Variants in CDH6 observed in about 807,000 individuals in gnomAD.
CDH6 encodes the protein cadherin 6.
Under a neutral mutation model 78.0 loss-of-function variants are expected in CDH6, and 31 were observed. That is an observed-to-expected ratio of 0.40 (90% CI 0.30 to 0.54). The LOEUF is 0.54. Ranked by LOEUF, CDH6 falls within the 20% of genes least tolerant of loss-of-function variation. The pLI, the probability that CDH6 is intolerant of heterozygous loss-of-function variation, is 0.56. For missense variants in CDH6, 724 were observed against 975.9 expected, an observed-to-expected ratio of 0.74 and a Z score of 3.44; for synonymous variants, 376 against 368.8, an observed-to-expected ratio of 1.02 and a Z score of -0.23.
chr5:31,240,731 C>T (rs940895818), intron 1 of CDH6, among the ~76,000 whole-genome samples: 6 of 152,212 alleles, frequency 3.9e-5, no homozygotes, highest in Admixed American at 1.3e-4. Context: ...CCTCCATGCT[C>T]ATCTGGCAGC....
intron 1 of CDH6, among the ~76,000 whole-genome samples, chr5:31,254,806 T>C (rs868772372): frequency 2.6e-5 from 4 of 152,258 alleles, no homozygotes; most frequent in Non-Finnish European, 5.9e-5. Flanking sequence ...GGATGTATCT[T>C]AGAAAGACTG....
chr5:31,208,556 A>G (rs1579814860), intron 1 of CDH6, among the ~76,000 whole-genome samples: 1 of 151,954 alleles, frequency 6.6e-6, no homozygotes, highest in South Asian at 2.1e-4. Context: ...TTTTTTGGTT[A>G]CTCTACTCCA....
At chr5:31,267,023 T>A (rs1192918519) in intron 1 of CDH6, among the ~76,000 whole-genome samples, 2 of 152,236 alleles carry the variant, frequency 1.3e-5, no homozygotes. Context: ...ACTCATTTTT[T>A]CTACCAGATC....
At chr5:31,313,208 G>A (rs528632276) in intron 7 of CDH6, 110 bp from the exon 8 acceptor site, 2 of 938,368 alleles carry the variant, frequency 2.1e-6, no homozygotes, top group South Asian at 4.2e-5. Context: ...AAAAATTTAT[G>A]CCACAGATAC....
intron 2 of CDH6, among the ~76,000 whole-genome samples, chr5:31,278,510 G>A (rs1742764227): frequency 6.6e-6 from 1 of 152,116 alleles, no homozygotes; most frequent in African/African-American, 2.4e-5. Context: ...AAGAAAGTTT[G>A]AAACAAAATG....
chr5:31,321,664 T>C (rs934965191), intron 11 of CDH6, among the ~76,000 whole-genome samples: 2 of 152,164 alleles, frequency 1.3e-5, no homozygotes, highest in Non-Finnish European at 2.9e-5. Flanking sequence ...CCTACATCTA[T>C]TATTATATAG....
intron 2 of CDH6, among the ~76,000 whole-genome samples, chr5:31,288,946 T>C (rs1743080310): frequency 6.6e-6 from 1 of 152,096 alleles, no homozygotes; most frequent in Non-Finnish European, 1.5e-5. Flanking sequence ...TTTGTTTGGA[T>C]TGTTTTTGTT....
At chr5:31,269,472 C>T (rs958983982) in intron 2 of CDH6, among the ~76,000 whole-genome samples, 5 of 152,248 alleles carry the variant, frequency 3.3e-5, no homozygotes, top group Middle Eastern at 3.4e-3. Flanking sequence ...GGTTGTTAAC[C>T]TTTCTGGGCT....
intron 2 of CDH6, among the ~76,000 whole-genome samples, chr5:31,272,182 C>A (rs1438849395): frequency 6.6e-6 from 1 of 152,116 alleles, no homozygotes. Flanking sequence ...CAGGACCTCC[C>A]AATTAATCGG....
chr5:31,316,963 G>A (rs946608884), intron 9 of CDH6, among the ~76,000 whole-genome samples: 6 of 152,190 alleles, frequency 3.9e-5, no homozygotes, highest in Non-Finnish European at 7.3e-5. Context: ...CTTCTACTTT[G>A]TGAAGTTGCA....
At chr5:31,230,595 AAAG>A (rs1201883181) in intron 1 of CDH6, among the ~76,000 whole-genome samples, 1 of 152,196 alleles carries the variant, frequency 6.6e-6, no homozygotes, top group Non-Finnish European at 1.5e-5. Context: ...AAAAATGAGA[AAAG>A]AAACTTATAG....
chr5:31,270,900 C>G (rs371097189), intron 2 of CDH6, among the ~76,000 whole-genome samples: 7 of 152,172 alleles, frequency 4.6e-5, no homozygotes, highest in African/African-American at 1.4e-4. Context: ...TCAGCTCCCC[C>G]CTGCAATCCA....
intron 2 of CDH6, among the ~76,000 whole-genome samples, chr5:31,272,707 A>G (rs1446724762): frequency 1.3e-5 from 2 of 152,110 alleles, no homozygotes; most frequent in Non-Finnish European, 2.9e-5. Flanking sequence ...ATCTTCCACA[A>G]TGTTCTTTAA....
At chr5:31,214,549 CT>C (rs1259095221) in intron 1 of CDH6, among the ~76,000 whole-genome samples, 1 of 152,162 alleles carries the variant, frequency 6.6e-6, no homozygotes, top group African/African-American at 2.4e-5. Context: ...GGCCCATATG[CT>C]CAGGATCAGA....
chr5:31,302,945 A>AAGAAAGAAAG (rs1387111048), intron 6 of CDH6, among the ~76,000 whole-genome samples: 17 of 131,862 alleles, frequency 1.3e-4, no homozygotes, highest in Non-Finnish European at 2.2e-4. Context: ...GAAAGAAAGA[A>AAGAAAGAAAG]AGAAAGAAAG....
intron 1 of CDH6, chr5:31,249,080 T>C (rs558283586): frequency 1.3e-5 from 2 of 152,328 alleles, no homozygotes; most frequent in African/African-American, 4.8e-5. Context: ...ATCTAATCAT[T>C]CCACAATGTA....
At chr5:31,292,946 C>A (rs1351175863) in intron 2 of CDH6, among the ~76,000 whole-genome samples, 3 of 150,630 alleles carry the variant, frequency 2.0e-5, no homozygotes, top group Non-Finnish European at 4.4e-5. Context: ...TATCATCTAA[C>A]CTTTTGCTGG....
intron 1 of CDH6, among the ~76,000 whole-genome samples, chr5:31,221,542 T>C (rs1741004050): frequency 6.6e-6 from 1 of 152,206 alleles, no homozygotes; most frequent in South Asian, 2.1e-4. Context: ...TTATTAAACA[T>C]TTTATTAAAT....
At chr5:31,309,316 A>G (rs1356329704) in intron 7 of CDH6, among the ~76,000 whole-genome samples, 1 of 152,204 alleles carries the variant, frequency 6.6e-6, no homozygotes, top group African/African-American at 2.4e-5. Context: ...AAGATAAAAT[A>G]TATTGTTCAT....
Sources: gnomAD v4.1 joint callset for allele counts (sites outside exome capture counted in the v4.1 genomes callset) on GRCh38, gnomAD v4.1.1 for gene constraint, MANE v1.5 for transcripts, NCBI Gene and HGNC (gene_info 2026-07-23, HGNC 2026-07-21) for gene names.